CCR5AS: variants seen among roughly 807,000 people sequenced by gnomAD.
CCR5AS encodes the protein CCR5 antisense RNA.
chr3:46,378,736 T>G (rs1701785413), intron 2 of CCR5AS, among the ~76,000 whole-genome samples: 1 of 152,196 alleles, frequency 6.6e-6, no homozygotes, highest in Admixed American at 6.5e-5. Context: ...ATTCATCATT[T>G]CTGAAAACCG....
chr3:46,392,189 T>C (rs890499776), intron 2 of CCR5AS, among the ~76,000 whole-genome samples: 2 of 152,206 alleles, frequency 1.3e-5, no homozygotes, highest in African/African-American at 4.8e-5. Context: ...GTTGTCCAAG[T>C]CCATGCCCTT....
exon 3 of CCR5AS, chr3:46,371,379 G>A (rs1268126648): frequency 2.0e-5 from 3 of 152,128 alleles, no homozygotes; most frequent in African/African-American, 7.2e-5. Context: ...GTCTAAGTCT[G>A]GTTCTCTTTT....
intron 2 of CCR5AS, among the ~76,000 whole-genome samples, chr3:46,391,166 T>G (rs1317429132): frequency 6.6e-6 from 1 of 152,204 alleles, no homozygotes; most frequent in African/African-American, 2.4e-5. Flanking sequence ...GGACATTCCT[T>G]GGCCCAGTGG....
At chr3:46,364,346 A>G (rs528925671), downstream of CCR5AS, among the ~76,000 whole-genome samples, 1 of 152,366 alleles carries the variant, frequency 6.6e-6, no homozygotes, top group South Asian at 2.1e-4. Flanking sequence ...AATCTACTCT[A>G]TCTGTGCTCC....
intron 2 of CCR5AS, among the ~76,000 whole-genome samples, chr3:46,379,623 G>T (rs1020630196): frequency 6.6e-6 from 1 of 152,110 alleles, no homozygotes; most frequent in Non-Finnish European, 1.5e-5. Context: ...CGCCAGGCGT[G>T]GTGGCTCACA....
chr3:46,373,284 C>T lies in CCR5AS; in HGVS notation n.392-1867G>A, dbSNP rs201179081. 10 of 1,614,146 alleles carry T rather than the reference C, an allele frequency of 6.2e-6. No individual in the cohort carries two copies. The African/African-American group carries it at 1.2e-4, about 19-fold the overall frequency. ...CATCCTCCTGACAATCGATAGGTAC[C>T]TGGCTGTCGTCCATGCTGTGTTTGC... is the stretch of plus-strand genomic sequence containing the variant. On this transcript the variant is annotated intron_variant and non_coding_transcript_variant, in intron 2 of 3. Coordinates refer to ENST00000451485, the Ensembl canonical transcript of CCR5AS.
At chr3:46,373,624 T>A (rs201301850) in intron 2 of CCR5AS, 1 of 1,614,108 alleles carries the variant, frequency 6.2e-7, no homozygotes, top group Non-Finnish European at 8.5e-7. Flanking sequence ...TTCACCATCA[T>A]GATTGTTTAT....
At chr3:46,365,074 C>G (rs1701587350) in intron 3 of CCR5AS, 1 of 154,492 alleles carries the variant, frequency 6.5e-6, no homozygotes, top group African/African-American at 2.4e-5. Flanking sequence ...TGACAACAAT[C>G]GATTTAGAAT....
Position 46,392,412 on chromosome 3 carries a change from G to A in CCR5AS, n.391+413C>T, listed in dbSNP as rs936954210. 3.9e-5 allele frequency among the ~76,000 whole-genome samples: 6 copies of A among 152,316 alleles called. No homozygotes were observed. The South Asian group carries it at 6.2e-4, about 16-fold the overall frequency. ...AAGGGAGAAGAAGGGGGAATGAAGC[G>A]TGGAAGGTTGCCCATAGTGAAAGAG... On this transcript the variant is annotated intron_variant and non_coding_transcript_variant, in intron 2 of 3. Transcript: ENST00000451485.
chr3:46,368,885 AAAGT>A (rs1701627831), intron 3 of CCR5AS, among the ~76,000 whole-genome samples: 1 of 152,190 alleles, frequency 6.6e-6, no homozygotes, highest in African/African-American at 2.4e-5. Flanking sequence ...CTGCATGGTG[AAAGT>A]AAGAACCAGC....
chr3:46,393,307 T>G lies in CCR5AS; in HGVS notation n.164-255A>C, dbSNP rs182558933. On this transcript the variant is annotated intron_variant and non_coding_transcript_variant, in intron 1 of 3. Transcript: ENST00000451485. ...TAAGGCAGGAGCGGCCTATTTTCAC[T>G]TCTTTTGTGGTTCTTCAGTTGCTTC... is the stretch of plus-strand genomic sequence containing the variant. Among the ~76,000 whole-genome samples, 24 of 152,088 alleles carry G rather than the reference T, an allele frequency of 1.6e-4. No individual in the cohort carries two copies. In the East Asian group the frequency reaches 4.4e-3, roughly 28 times the overall value.
intron 2 of CCR5AS, among the ~76,000 whole-genome samples, chr3:46,382,686 G>A (rs1575283310): frequency 6.6e-6 from 1 of 152,218 alleles, no homozygotes; most frequent in Non-Finnish European, 1.5e-5. Flanking sequence ...CACCAGGCCA[G>A]GGTGAAATGT....
chr3:46,385,334 C>A (rs1701851684), intron 2 of CCR5AS, among the ~76,000 whole-genome samples: 1 of 152,158 alleles, frequency 6.6e-6, no homozygotes. Flanking sequence ...AGATTCCAGG[C>A]AGCAGTTTGA....
At chr3:46,373,076 C>A in intron 2 of CCR5AS, 1 of 1,614,166 alleles carries the variant, frequency 6.2e-7, no homozygotes, top group Non-Finnish European at 8.5e-7. Flanking sequence ...TGATAAACTG[C>A]AAAAGGCTGA....
chr3:46,387,011 A>T (rs1166029318), intron 2 of CCR5AS, among the ~76,000 whole-genome samples: 2 of 152,192 alleles, frequency 1.3e-5, no homozygotes, highest in African/African-American at 4.8e-5. Context: ...GTAATATTTG[A>T]ATATTTTCAT....
chr3:46,374,088 T>G, intron 2 of CCR5AS: 1 of 554,358 alleles, frequency 1.8e-6, no homozygotes. Flanking sequence ...ATAGAGGGTC[T>G]AAGATTCATC....
At chr3:46,365,226 C>T (rs573563844) in intron 3 of CCR5AS, among the ~76,000 whole-genome samples, 1 of 152,234 alleles carries the variant, frequency 6.6e-6, no homozygotes, top group East Asian at 1.9e-4. Context: ...ACCAAGGTGG[C>T]AAATTGCATT....
At chr3:46,380,138 T>C (rs946663230) in intron 2 of CCR5AS, among the ~76,000 whole-genome samples, 1 of 152,104 alleles carries the variant, frequency 6.6e-6, no homozygotes, top group Non-Finnish European at 1.5e-5. Flanking sequence ...GGGCATGCCT[T>C]CAACCTGCCT....
intron 3 of CCR5AS, among the ~76,000 whole-genome samples, chr3:46,368,426 T>G (rs1259336586): frequency 6.6e-6 from 1 of 152,208 alleles, no homozygotes; most frequent in East Asian, 1.9e-4. Flanking sequence ...ACATTTCATT[T>G]AAATGCTGAA....
Sources: allele counts gnomAD v4.1 joint callset (sites outside exome capture counted in the v4.1 genomes callset), GRCh38; gene constraint gnomAD v4.1.1; transcripts MANE v1.5; gene names NCBI Gene and HGNC (gene_info 2026-07-23, HGNC 2026-07-21).